The following RPTOR variants were observed in gnomAD, a reference collection of about 807,000 sequenced individuals.
RPTOR encodes the protein regulatory-associated protein of mTOR.
In RPTOR, 21 loss-of-function variants were observed where a neutral mutation model predicts 169.9. The ratio of observed to expected loss-of-function variants is 0.12; its 90% CI spans 0.09 to 0.18. RPTOR has a LOEUF of 0.18. Ranked by LOEUF, RPTOR falls within the 10% of genes least tolerant of loss-of-function variation. The pLI, the probability that RPTOR is intolerant of heterozygous loss-of-function variation, is 1.00. For synonymous variants in RPTOR, 732 were observed against 753.2 expected (o/e 0.97, Z 0.46); for missense variants, 1,133 against 1,855.9 (o/e 0.61, Z 7.16).
chr17:80,886,005 GGCTGCTCTTGCAGA>G (rs1160349970), intron 17 of RPTOR, among the ~76,000 whole-genome samples: 1 of 152,266 alleles, frequency 6.6e-6, no homozygotes, highest in African/African-American at 2.4e-5. Context: ...TGAGATGGAA[GGCTGCTCTTGCAGA>G]GAACTCATCT....
intron 24 of RPTOR, 173 bp from the exon 25 acceptor site, chr17:80,940,323 A>T: frequency 1.8e-6 from 1 of 562,284 alleles, no homozygotes; most frequent in Non-Finnish European, 3.1e-6. Flanking sequence ...CGAGGGTTTG[A>T]GGTGTGCCGG....
chr17:80,732,421 T>G (rs2066400652), intron 5 of RPTOR, among the ~76,000 whole-genome samples: 1 of 152,230 alleles, frequency 6.6e-6, no homozygotes, highest in Non-Finnish European at 1.5e-5. Flanking sequence ...GTGTGTGCTC[T>G]CTGTGTGTTG....
chr17:80,793,111 C>A (rs779882386), intron 7 of RPTOR, among the ~76,000 whole-genome samples: 5 of 152,170 alleles, frequency 3.3e-5, no homozygotes, highest in Non-Finnish European at 7.3e-5. Flanking sequence ...CTGGCCGTGC[C>A]AGGCCAAAAT....
intron 1 of RPTOR, among the ~76,000 whole-genome samples, chr17:80,605,501 C>T (rs966816082): frequency 6.6e-6 from 1 of 152,068 alleles, no homozygotes; most frequent in South Asian, 2.1e-4. Context: ...TTGAGGAAAC[C>T]GTGTCTCAGT....
At chr17:80,891,897 C>A in intron 18 of RPTOR, 60 bp downstream of exon 18, 1 of 1,211,734 alleles carries the variant, frequency 8.3e-7, no homozygotes, top group Non-Finnish European at 1.2e-6. Context: ...TAGTGCAGGC[C>A]GCGGCCCAGT....
At position 80,966,005 on chromosome 17, in the gene RPTOR, A is replaced by T. The variant is rs946011566; in HGVS notation, c.*1675A>T. On this transcript the variant is annotated 3_prime_UTR_variant, in exon 34 of 34. Coordinates refer to ENST00000306801, the MANE Select transcript of RPTOR (RefSeq NM_020761.3). ...TCCAGAAGCCCAGCTCCACCCGCAC[A>T]CGCAGCTTCCCATCCAGTCCTTCAA... is the stretch of plus-strand genomic sequence containing the variant. 8.6e-6 allele frequency: 2 copies of T among 233,292 alleles called. No individual in the cohort carries two copies. Among genetic ancestry groups the T allele is most frequent in the Non-Finnish European group, 1.7e-5 (2 of 118,140 alleles). 14.5% of individuals were successfully genotyped at this position (233,292 alleles called of 1,614,324 possible). A position where few individuals can be genotyped will look rare whatever the true frequency, so the allele number is the denominator to read the frequency against.
intron 7 of RPTOR, among the ~76,000 whole-genome samples, chr17:80,793,992 C>T (rs2067076088): frequency 6.6e-6 from 1 of 152,058 alleles, no homozygotes; most frequent in African/African-American, 2.4e-5. Context: ...ATTTTGGTGT[C>T]AGAACAACCA....
At chr17:80,838,450 G>C (rs1452397104) in intron 10 of RPTOR, among the ~76,000 whole-genome samples, 2 of 152,190 alleles carry the variant, frequency 1.3e-5, no homozygotes, top group East Asian at 3.9e-4. Context: ...GCCACCCTAC[G>C]GCGGAACCTG....
At chr17:80,756,229 G>T (rs1390996915) in intron 6 of RPTOR, among the ~76,000 whole-genome samples, 1 of 152,206 alleles carries the variant, frequency 6.6e-6, no homozygotes, top group East Asian at 1.9e-4. Flanking sequence ...CCAGCCCCTT[G>T]TGTTATCTTG....
intron 4 of RPTOR, among the ~76,000 whole-genome samples, chr17:80,720,846 G>A (rs1177812208): frequency 6.6e-6 from 1 of 151,514 alleles, no homozygotes; most frequent in African/African-American, 2.5e-5. Context: ...AATTGCTGCT[G>A]CGGCCGCTTC....
In RPTOR at chr17:80,837,838, C is replaced by T. The variant is rs1218636886; in HGVS notation, c.1137-84C>T. 8 of 1,306,824 alleles carry T rather than the reference C, an allele frequency of 6.1e-6. No individual in the cohort carries two copies. The African/African-American group carries it at 1.0e-4, about 17-fold the overall frequency. The allele number at this position is 1,306,824 out of a possible 1,614,324, so 81.0% of individuals were successfully genotyped here. A position where few individuals can be genotyped will look rare whatever the true frequency, so the allele number is the denominator to read the frequency against. On this transcript the variant is annotated intron_variant, in intron 9 of 33. Coordinates refer to ENST00000306801, the MANE Select transcript of RPTOR (RefSeq NM_020761.3). ...CCAGACCCTTGCTGCCCAGGCTCAG[C>T]CGGCTCCTCCTGTGCCCTGTGAAGT...
Position 80,617,987 on chromosome 17 carries a change from C to CTTTTTTTTTTTTTTTTTTTTTTTTT in RPTOR, c.163-7693_163-7692insTTTTTTTTTTTTTTTTTTTTTTTTT, listed in dbSNP as rs1197342364. ...TTTAGTTTGCTTAAAATAGTTACAA[C>CTTTTTTTTTTTTTTTTTTTTTTTTT]TTTTTTTTTTTAAGACGGGGTCTTG... On this transcript the variant is annotated intron_variant, in intron 1 of 33. Coordinates refer to ENST00000306801, the MANE Select transcript of RPTOR (RefSeq NM_020761.3). 1.6e-3 allele frequency among the ~76,000 whole-genome samples: 238 copies of CTTTTTTTTTTTTTTTTTTTTTTTTT among 146,360 alleles called. 10 individuals carry two copies. Among genetic ancestry groups the CTTTTTTTTTTTTTTTTTTTTTTTTT allele is most frequent in the African/African-American group, 5.9e-3 (231 of 39,064 alleles).
intron 6 of RPTOR, among the ~76,000 whole-genome samples, chr17:80,757,408 A>G (rs1472138122): frequency 1.3e-5 from 2 of 152,120 alleles, no homozygotes; most frequent in African/African-American, 4.8e-5. Flanking sequence ...TGTAATGTCG[A>G]AGTCCTTTCT....
In RPTOR at chr17:80,660,104, CT is replaced by C. The variant is rs571678693; in HGVS notation, c.348+16295del. 1.2e-4 allele frequency among the ~76,000 whole-genome samples: 19 copies of C among 152,098 alleles called. 1 individual carries two copies. Among genetic ancestry groups the C allele is most frequent in the African/African-American group, 4.6e-4 (19 of 41,520 alleles). On this transcript the variant is annotated intron_variant, in intron 3 of 33. Coordinates refer to ENST00000306801, the MANE Select transcript of RPTOR (RefSeq NM_020761.3). ...TGGCCAACGTGGTGAAACCCTGTCT[CT>C]ACTAAAAATGCAAAAATTAGCTGGG...
intron 9 of RPTOR, among the ~76,000 whole-genome samples, chr17:80,833,631 A>G (rs111567007): frequency 0.015 from 2,237 of 152,308 alleles, 43 homozygotes; most frequent in Middle Eastern, 0.044. Flanking sequence ...ACCGTAGAAA[A>G]TGCAGCCAGT....
At chr17:80,642,623 CA>C in intron 2 of RPTOR, among the ~76,000 whole-genome samples, 1 of 152,274 alleles carries the variant, frequency 6.6e-6, no homozygotes, top group Non-Finnish European at 1.5e-5. Flanking sequence ...CAGCAAACAG[CA>C]GTGAATTTTA....
At position 80,936,662 on chromosome 17, in the gene RPTOR, A is replaced by G. The variant is rs1014796407; in HGVS notation, c.2920-3834A>G. Among the ~76,000 whole-genome samples the G allele has an allele frequency of 3.3e-5, 5 of 152,226 alleles. No homozygotes were observed. Among genetic ancestry groups the G allele is most frequent in the African/African-American group, 1.2e-4 (5 of 41,454 alleles). ...AGGCAAAACTGTGTGGAACTGTTCTATATCTTCCACATTTATCAAAACTCC... is the reference window on the plus strand; with the variant it reads ...AGGCAAAACTGTGTGGAACTGTTCTGTATCTTCCACATTTATCAAAACTCC... On this transcript the variant is annotated intron_variant, in intron 24 of 33. Coordinates refer to ENST00000306801, the MANE Select transcript of RPTOR (RefSeq NM_020761.3). This position sits in a 1 kb window ranked among gnomAD's most constrained non-coding sequence, Gnocchi z 4.1.
At chr17:80,740,356 A>G (rs773606543) in intron 5 of RPTOR, among the ~76,000 whole-genome samples, 2 of 152,230 alleles carry the variant, frequency 1.3e-5, no homozygotes, top group Non-Finnish European at 2.9e-5. Context: ...AAGAAGCAGA[A>G]CACCGGTTTT....
chr17:80,786,886 G>A (rs965820940), intron 6 of RPTOR, among the ~76,000 whole-genome samples: 31 of 152,182 alleles, frequency 2.0e-4, no homozygotes, highest in African/African-American at 7.5e-4. Flanking sequence ...GCCTGGATCC[G>A]TCACAATTCT....
Sources: allele counts gnomAD v4.1 joint callset (sites outside exome capture counted in the v4.1 genomes callset), GRCh38; gene constraint gnomAD v4.1.1; non-coding constraint Gnocchi (gnomAD v3.1); transcripts MANE v1.5; gene names NCBI Gene and HGNC (gene_info 2026-07-23, HGNC 2026-07-21).